Variants in C1GALT1 observed in about 807,000 individuals in gnomAD.
C1GALT1 encodes the protein glycoprotein-N-acetylgalactosamine 3-beta-galactosyltransferase 1.
A neutral mutation model predicts 31.0 loss-of-function variants in C1GALT1; 11 were observed. The ratio of observed to expected loss-of-function variants is 0.36; its 90% confidence interval spans 0.22 to 0.59. The LOEUF (loss-of-function observed/expected upper bound fraction) is 0.59, where lower values mean the gene tolerates loss of function less well. C1GALT1 is among the 20% of genes least tolerant of loss of function. The pLI is 0.79. For missense variants in C1GALT1, 424 were observed against 425.2 expected (o/e 1.00, Z 0.03); for synonymous variants, 175 against 143.6 (o/e 1.22, Z -1.56).
chr7:7,163,362 C>G (rs1225084425), intron 2 of C1GALT1, among the ~76,000 whole-genome samples: 7 of 152,104 alleles, frequency 4.6e-5, no homozygotes, highest in Non-Finnish European at 1.0e-4. Flanking sequence ...CAATATCATA[C>G]TCAATGGGCA....
rs1432768092 is a variant in C1GALT1, at chr7:7,246,359, T to C, written c.*2632T>C. ...AGCATTATTTCCATTTTTATGTATA[T>C]GATATATGACGTCTGATGCATTGGC... On this transcript the variant is annotated 3_prime_UTR_variant, in exon 4 of 4. Coordinates refer to ENST00000436587, the MANE Select transcript of C1GALT1 (RefSeq NM_020156.5). 5 of 151,952 alleles carry C rather than the reference T, an allele frequency of 3.3e-5. No individual in the cohort carries two copies. The East Asian group carries it at 7.7e-4, about 23-fold the overall frequency. The allele number at this position is 151,952 out of a possible 1,614,324, so 9.4% of individuals were successfully genotyped here.
At chr7:7,186,629 G>T (rs148047444) in intron 1 of C1GALT1, among the ~76,000 whole-genome samples, 2 of 152,332 alleles carry the variant, frequency 1.3e-5, no homozygotes, top group East Asian at 1.9e-4. Context: ...GGTGCTGTGG[G>T]TAAGCATAGG....
chr7:7,197,372 G>A (rs115992028), intron 1 of C1GALT1, among the ~76,000 whole-genome samples: 4,097 of 152,062 alleles, frequency 0.027, 100 homozygotes, highest in African/African-American at 0.071. Context: ...TTTTATTACC[G>A]AGGGCTATAT....
At chr7:7,200,056 G>A (rs570415175) in intron 1 of C1GALT1, among the ~76,000 whole-genome samples, 1 of 152,288 alleles carries the variant, frequency 6.6e-6, no homozygotes, top group Admixed American at 6.5e-5. Context: ...AGTTAATACT[G>A]TTAGGTGTGT....
At chr7:7,157,838 A>G (rs1266733525) in intron 2 of C1GALT1, among the ~76,000 whole-genome samples, 2 of 152,132 alleles carry the variant, frequency 1.3e-5, no homozygotes, top group Non-Finnish European at 2.9e-5. Context: ...CCTTCAATCA[A>G]TGAGATCTCT....
At chr7:7,210,086 A>C (rs1490296164) in intron 1 of C1GALT1, among the ~76,000 whole-genome samples, 1 of 152,208 alleles carries the variant, frequency 6.6e-6, no homozygotes, top group Non-Finnish European at 1.5e-5. Flanking sequence ...ACTTCAGGCC[A>C]TCTGGATGTA....
At chr7:7,157,467 A>G (rs1262170222) in intron 2 of C1GALT1, 2 of 152,196 alleles carry the variant, frequency 1.3e-5, no homozygotes, top group African/African-American at 4.8e-5. Flanking sequence ...TTGGTTCAGT[A>G]TGCTTTTAGG....
intron 2 of C1GALT1, among the ~76,000 whole-genome samples, chr7:7,173,062 T>C (rs1179584050): frequency 6.6e-6 from 1 of 152,100 alleles, no homozygotes; most frequent in Non-Finnish European, 1.5e-5. Flanking sequence ...TTTGATATAG[T>C]TTGGATATTT....
intron 1 of C1GALT1, among the ~76,000 whole-genome samples, chr7:7,190,824 T>C (rs1781038863): frequency 6.6e-6 from 1 of 152,184 alleles, no homozygotes; most frequent in African/African-American, 2.4e-5. Flanking sequence ...CCCACATGTT[T>C]ATTGGTCCAA....
intron 1 of C1GALT1, among the ~76,000 whole-genome samples, chr7:7,216,587 C>T (rs1272047680): frequency 2.6e-5 from 4 of 150,990 alleles, no homozygotes; most frequent in East Asian, 4.0e-4. Flanking sequence ...CCTGCTATTA[C>T]GGCCCATGCT....
chr7:7,175,533 T>G (rs1231100964), intron 2 of C1GALT1, among the ~76,000 whole-genome samples: 1 of 152,230 alleles, frequency 6.6e-6, no homozygotes, highest in African/African-American at 2.4e-5. Context: ...GTCTATTGCA[T>G]GTTTCAACTG....
At chr7:7,205,990 TTTC>T (rs1344493753) in intron 1 of C1GALT1, among the ~76,000 whole-genome samples, 9 of 152,328 alleles carry the variant, frequency 5.9e-5, no homozygotes, top group Non-Finnish European at 1.2e-4. Context: ...TACTGTCTCA[TTTC>T]TTTTTGTGTG....
chr7:7,218,189 C>G (rs990756988), intron 1 of C1GALT1, among the ~76,000 whole-genome samples: 1 of 152,040 alleles, frequency 6.6e-6, no homozygotes, highest in African/African-American at 2.4e-5. Context: ...AGGCCAGGCA[C>G]TCCAGTCATA....
At chr7:7,218,104 A>G (rs908931452) in intron 1 of C1GALT1, among the ~76,000 whole-genome samples, 4 of 152,180 alleles carry the variant, frequency 2.6e-5, no homozygotes, top group African/African-American at 9.7e-5. Flanking sequence ...GAGTTAGGAA[A>G]GGGGAGCAGT....
In C1GALT1 at chr7:7,238,853, C is replaced by T; in HGVS notation, c.819C>T (p.His273=). Residue 273 remains histidine (H), a synonymous_variant, in exon 3 of 4, where the codon CAC becomes CAT. Transcript: ENST00000436587. This position sits in a 1 kb window ranked among gnomAD's most constrained non-coding sequence, Gnocchi z 5.2. ...KETFHPFVPE[H]HLIKGYLPRT... ...CTTTTCATCCCTTTGTGCCAGAACA[C>T]CATTTAATTAAAGGTTATCTACCTA... is the stretch of plus-strand genomic sequence containing the variant. 2 of 1,613,868 alleles carry T rather than the reference C, an allele frequency of 1.2e-6. No individual in the cohort carries two copies. Among genetic ancestry groups the T allele is most frequent in the Non-Finnish European group, 1.7e-6 (2 of 1,179,850 alleles).
At chr7:7,182,109 TTTA>T (rs1780606187), upstream of C1GALT1, among the ~76,000 whole-genome samples, 1 of 152,096 alleles carries the variant, frequency 6.6e-6, no homozygotes, top group South Asian at 2.1e-4. Flanking sequence ...ATTACTTCCT[TTTA>T]TTAAGCCCAG....
rs781761008 is a variant in C1GALT1, at chr7:7,243,600, T to A, written c.965T>A (p.Leu322His). The change falls in exon 4 of 4, where the codon CTC becomes CAC. Residue 322 changes from leucine (L) to histidine (H), a missense_variant. Coordinates refer to ENST00000436587, the MANE Select transcript of C1GALT1 (RefSeq NM_020156.5). ...ACAACCATGTATGAGTTAGAATACC[T>A]CGTTTATCATCTTCGTCCATATGGT... Reference protein sequence around the residue: ...DSTTMYELEYLVYHLRPYGYL... With the variant: ...DSTTMYELEYHVYHLRPYGYL... 6.2e-7 allele frequency: 1 copy of A among 1,612,882 alleles called. No individual in the cohort carries two copies. The highest frequency in any genetic ancestry group is 1.1e-5 in the South Asian group (1 of 90,922).
At chr7:7,230,523 T>A (rs544141004) in intron 1 of C1GALT1, among the ~76,000 whole-genome samples, 1 of 152,132 alleles carries the variant, frequency 6.6e-6, no homozygotes, top group East Asian at 1.9e-4. Context: ...TAATTGTAGT[T>A]TTTAGTCTAT....
In C1GALT1 at chr7:7,200,930, G is replaced by A. The variant is rs545270891; in HGVS notation, c.-18+18110G>A. On this transcript the variant is annotated intron_variant, in intron 1 of 3. Transcript: ENST00000436587. ...TTTTCAAGGTTTTTAGCTTCTTTGCGATGGGTTCGAGCATCCTCCTTTAGC... is the reference window on the plus strand; with the variant it reads ...TTTTCAAGGTTTTTAGCTTCTTTGCAATGGGTTCGAGCATCCTCCTTTAGC... Among the ~76,000 whole-genome samples the A allele has an allele frequency of 1.8e-3, 269 of 152,286 alleles. 2 individuals carry two copies. The highest frequency in any genetic ancestry group is 0.01 in the Middle Eastern group (3 of 294).
Sources: gnomAD v4.1 joint callset for allele counts (sites outside exome capture counted in the v4.1 genomes callset) on GRCh38, gnomAD v4.1.1 for gene constraint, Gnocchi (gnomAD v3.1) non-coding constraint, MANE v1.5 for transcripts, NCBI Gene and HGNC (gene_info 2026-07-23, HGNC 2026-07-21) for gene names.